Variants in AGMO observed in about 807,000 individuals in gnomAD.
AGMO encodes glyceryl-ether monooxygenase.
A neutral mutation model predicts 60.2 loss-of-function variants in AGMO; 75 were observed. The observed-to-expected ratio is 1.25, with a 90% CI of 1.03 to 1.51. The LOEUF (loss-of-function observed/expected upper bound fraction) is 1.51, where lower values mean the gene tolerates loss of function less well. AGMO is among the 40% of genes most tolerant of loss of function. The pLI is 0.00. For synonymous variants in AGMO, 261 were observed against 177.1 expected (o/e 1.47, Z -3.76); for missense variants, 763 against 525.5 (o/e 1.45, Z -4.42).
intron 12 of AGMO, among the ~76,000 whole-genome samples, chr7:15,353,314 A>G (rs1782329419): frequency 6.6e-6 from 1 of 152,216 alleles, no homozygotes; most frequent in South Asian, 2.1e-4. Flanking sequence ...GTGAAGAACA[A>G]GCCATGCAGA....
At chr7:15,412,910 T>C (rs922071393) in intron 5 of AGMO, among the ~76,000 whole-genome samples, 6 of 152,084 alleles carry the variant, frequency 3.9e-5, no homozygotes, top group African/African-American at 1.4e-4. Context: ...CTAGAGTCTT[T>C]ACAACAAATC....
At chr7:15,365,411 C>T (rs2128561223) in intron 12 of AGMO, 103 bp downstream of exon 12, 3 of 288,594 alleles carry the variant, frequency 1.0e-5, no homozygotes, top group Non-Finnish European at 1.7e-5. Flanking sequence ...AGATTTCCCA[C>T]ATGTACTGGT....
chr7:15,369,950 G>C (rs1343692801), intron 10 of AGMO, among the ~76,000 whole-genome samples: 1 of 151,990 alleles, frequency 6.6e-6, no homozygotes. Flanking sequence ...ATATTTGCAG[G>C]TTTGTTACAT....
intron 5 of AGMO, chr7:15,396,592 G>C (rs1009599179): frequency 1.3e-5 from 2 of 152,214 alleles, no homozygotes; most frequent in East Asian, 3.9e-4. Flanking sequence ...TGCTTGGATC[G>C]CCAGCTTTTA....
rs371522858 is a variant in AGMO, at chr7:15,220,135, TATTTC to T, written c.1264-18781_1264-18777del. Among the ~76,000 whole-genome samples the T allele has an allele frequency of 2.3e-3, 347 of 152,152 alleles. 1 individual carries two copies. Among genetic ancestry groups the T allele is most frequent in the Non-Finnish European group, 2.6e-3 (174 of 68,004 alleles). On this transcript the variant is annotated intron_variant, in intron 12 of 12. Transcript: ENST00000342526. ...CTCTAAGTCCTTAGAATTTTTGCCT[TATTTC>T]TTTTATTGCATTACATACTGACTGC...
In AGMO at chr7:15,410,928, AC is replaced by A. The variant is rs775266122; in HGVS notation, c.609+7629del. Among the ~76,000 whole-genome samples the A allele has an allele frequency of 6.6e-5, 10 of 152,012 alleles. No individual in the cohort carries two copies. In the East Asian group the frequency reaches 1.9e-3, roughly 29 times the overall value. On this transcript the variant is annotated intron_variant, in intron 5 of 12. Transcript: ENST00000342526. ...ATTTTTAATCCTCACAACAATGTAT[AC>A]CCTATGGTTGAATGTCCCCTCTGAA...
At chr7:15,397,095 G>A (rs1384962643) in intron 5 of AGMO, among the ~76,000 whole-genome samples, 3 of 152,226 alleles carry the variant, frequency 2.0e-5, no homozygotes, top group Non-Finnish European at 2.9e-5. Flanking sequence ...ACTGGCACCC[G>A]CCAGGAAACT....
chr7:15,435,195 T>C (rs1214836257), intron 3 of AGMO, among the ~76,000 whole-genome samples: 1 of 152,144 alleles, frequency 6.6e-6, no homozygotes, highest in East Asian at 1.9e-4. Context: ...AGGTTTTCTG[T>C]GGACATGAGT....
At chr7:15,148,710 T>G in the AGMO span, among the ~76,000 whole-genome samples, 1 of 152,174 alleles carries the variant, frequency 6.6e-6, no homozygotes, top group African/African-American at 2.4e-5. Flanking sequence ...ATTTTCTTTA[T>G]CCAGTCCACT....
At chr7:15,385,056 A>C (rs1309869263) in intron 10 of AGMO, among the ~76,000 whole-genome samples, 1 of 152,168 alleles carries the variant, frequency 6.6e-6, no homozygotes, top group African/African-American at 2.4e-5. Flanking sequence ...AAAACCCTTT[A>C]AATTCTATCA....
At chr7:15,429,418 C>G (rs1484420588) in intron 4 of AGMO, among the ~76,000 whole-genome samples, 3 of 151,968 alleles carry the variant, frequency 2.0e-5, no homozygotes, top group African/African-American at 7.2e-5. Flanking sequence ...ATAAGAATTA[C>G]GTTGTCACAA....
At chr7:15,382,670 C>T (rs1447778509) in intron 10 of AGMO, among the ~76,000 whole-genome samples, 1 of 152,088 alleles carries the variant, frequency 6.6e-6, no homozygotes, top group Non-Finnish European at 1.5e-5. Context: ...ATTAGAGAAG[C>T]CCTTTTAGAA....
chr7:15,320,123 G>GGGGGGGA (rs1781063151), intron 12 of AGMO, among the ~76,000 whole-genome samples: 1 of 148,052 alleles, frequency 6.8e-6, no homozygotes, highest in Non-Finnish European at 1.5e-5. Flanking sequence ...TGGGGTGGGG[G>GGGGGGGA]AGGGGGAAGG....
In AGMO at chr7:15,385,448, C is replaced by A. The variant is rs1212978110; in HGVS notation, c.1072G>T (p.Ala358Ser). The A allele has an allele frequency of 2.6e-6, 4 of 1,557,654 alleles. No homozygotes were observed. The highest frequency in any genetic ancestry group is 3.5e-6 in the Non-Finnish European group (4 of 1,130,246). The change falls in exon 10 of 13, where the codon GCT becomes TCT. Residue 358 changes from alanine to serine, a missense_variant and splice_region_variant. By Grantham distance (99) the Ala-to-Ser change is moderately conservative. Coordinates refer to ENST00000342526, the MANE Select transcript of AGMO (RefSeq NM_001004320.2). Reference sequence around the variant, plus strand: ...TACTTAAAATGGATATTACTTACAGCTGTATCTGCAAAGGTCTCTTCATAA... The same window carrying A: ...TACTTAAAATGGATATTACTTACAGATGTATCTGCAAAGGTCTCTTCATAA... ...AFYEETFADT[A>S]ALSQVTLLLR...
At chr7:15,283,203 A>G (rs1784014871) in intron 12 of AGMO, among the ~76,000 whole-genome samples, 1 of 152,082 alleles carries the variant, frequency 6.6e-6, no homozygotes, top group Non-Finnish European at 1.5e-5. Context: ...TATCTAGATA[A>G]CATTTTGCCT....
chr7:15,241,719 G>A (rs1330872102), intron 12 of AGMO, among the ~76,000 whole-genome samples: 1 of 136,932 alleles, frequency 7.3e-6, no homozygotes, highest in Non-Finnish European at 1.7e-5. Context: ...AAAATGTAAT[G>A]GCTTAAAAAA....
At chr7:15,458,070 A>C (rs1782044182) in intron 3 of AGMO, among the ~76,000 whole-genome samples, 1 of 152,178 alleles carries the variant, frequency 6.6e-6, no homozygotes, top group African/African-American at 2.4e-5. Context: ...GATTTACCAA[A>C]GTAGCTATTT....
chr7:15,354,387 T>TATATATAC (rs1563105157), intron 12 of AGMO, among the ~76,000 whole-genome samples: 4 of 38,168 alleles, frequency 1.0e-4, no homozygotes, highest in African/African-American at 2.3e-4. Context: ...TATACACGTG[T>TATATATAC]GTGTATACAC....
At chr7:15,482,059 T>A (rs1298781823) in intron 3 of AGMO, among the ~76,000 whole-genome samples, 1 of 151,618 alleles carries the variant, frequency 6.6e-6, no homozygotes, top group East Asian at 1.9e-4. Flanking sequence ...TTAACACACA[T>A]ATTAGTGGAA....
Sources: allele counts gnomAD v4.1 joint callset (sites outside exome capture counted in the v4.1 genomes callset), GRCh38; gene constraint gnomAD v4.1.1; transcripts MANE v1.5; gene names NCBI Gene and HGNC (gene_info 2026-07-23, HGNC 2026-07-21).